The following PRRX1 variants were observed in gnomAD, a reference collection of about 807,000 sequenced individuals.
PRRX1 encodes paired related homeobox 1.
A neutral mutation model predicts 24.0 loss-of-function variants in PRRX1; 8 were observed. The observed-to-expected ratio is 0.33, with a 90% CI of 0.20 to 0.60. The LOEUF (loss-of-function observed/expected upper bound fraction) is 0.60, where lower values mean the gene tolerates loss of function less well. Ranked by LOEUF, PRRX1 falls within the 20% of genes least tolerant of loss-of-function variation. PRRX1 has a pLI of 0.82. For missense variants in PRRX1, 281 were observed against 322.4 expected, an observed-to-expected ratio of 0.87 and a Z score of 0.98; for synonymous variants, 160 against 131.7, an observed-to-expected ratio of 1.22 and a Z score of -1.47.
chr1:170,734,385 G>C (rs568417198), intron 3 of PRRX1, among the ~76,000 whole-genome samples: 1 of 152,098 alleles, frequency 6.6e-6, no homozygotes, highest in Non-Finnish European at 1.5e-5. Context: ...TTCTACCTGA[G>C]GAAACAGTTG....
At chr1:170,684,266 G>T (rs1018735483) in intron 1 of PRRX1, among the ~76,000 whole-genome samples, 2 of 152,064 alleles carry the variant, frequency 1.3e-5, no homozygotes, top group African/African-American at 2.4e-5. Flanking sequence ...TATTTCTCAG[G>T]CTTGTCCTCT....
chr1:170,726,780 T>A, intron 3 of PRRX1: 1 of 172,340 alleles, frequency 5.8e-6, no homozygotes, highest in South Asian at 1.6e-4. Flanking sequence ...ATTATGCAAA[T>A]GTAGGGACGT....
intron 2 of PRRX1, 83 bp downstream of exon 2, chr1:170,719,984 A>G: frequency 6.5e-7 from 1 of 1,536,556 alleles, no homozygotes; most frequent in South Asian, 1.1e-5. Context: ...AACACAAATT[A>G]TAGCCCAGCA....
At chr1:170,718,830 G>A (rs994210103) in intron 1 of PRRX1, among the ~76,000 whole-genome samples, 2 of 152,150 alleles carry the variant, frequency 1.3e-5, no homozygotes, top group African/African-American at 4.8e-5. Flanking sequence ...GGCAGCAGGA[G>A]AGGAGCATAC....
At chr1:170,679,940 C>T (rs756224479) in intron 1 of PRRX1, among the ~76,000 whole-genome samples, 1 of 152,088 alleles carries the variant, frequency 6.6e-6, no homozygotes, top group Admixed American at 6.5e-5. Context: ...ATTTTGTTTA[C>T]TTATCTTTTT....
At chr1:170,691,441 ATTTCCTTTCCTTTCC>A (rs60341193) in intron 1 of PRRX1, among the ~76,000 whole-genome samples, 2,200 of 71,730 alleles carry the variant, frequency 0.031, 32 homozygotes, top group African/African-American at 0.058. Context: ...CTTTCCTTCC[ATTTCCTTTCCTTTCC>A]TTTCCTTTCC....
intron 1 of PRRX1, among the ~76,000 whole-genome samples, chr1:170,674,556 A>G (rs547562747): frequency 6.6e-6 from 1 of 152,262 alleles, no homozygotes; most frequent in African/African-American, 2.4e-5. Flanking sequence ...AGTAGTGCTC[A>G]ATTGTTTTCT....
At chr1:170,729,805 C>T (rs1394120567) in intron 3 of PRRX1, among the ~76,000 whole-genome samples, 3 of 152,168 alleles carry the variant, frequency 2.0e-5, no homozygotes, top group Non-Finnish European at 2.9e-5. Flanking sequence ...ACATCCGTGG[C>T]CAGTTAAAGG....
At chr1:170,665,792 G>T (rs911251572) in intron 1 of PRRX1, among the ~76,000 whole-genome samples, 1 of 152,230 alleles carries the variant, frequency 6.6e-6, no homozygotes, top group African/African-American at 2.4e-5. Flanking sequence ...CTTAGTTCCG[G>T]CCTGGGCGCC....
intron 1 of PRRX1, among the ~76,000 whole-genome samples, chr1:170,689,881 TGTGTGTGTGTGC>T (rs1558049782): frequency 1.3e-5 from 2 of 150,388 alleles, no homozygotes; most frequent in African/African-American, 4.9e-5. Context: ...TCTCTGTGGG[TGTGTGTGTGTGC>T]GTGTGTGTGT....
intron 2 of PRRX1, among the ~76,000 whole-genome samples, chr1:170,721,549 C>T (rs767002422): frequency 2.0e-5 from 3 of 152,008 alleles, no homozygotes; most frequent in Non-Finnish European, 4.4e-5. Flanking sequence ...GGGACCTCAC[C>T]AAGAAGTACT....
At chr1:170,722,787 G>C (rs1343047615) in intron 2 of PRRX1, 1 of 152,192 alleles carries the variant, frequency 6.6e-6, no homozygotes, top group Non-Finnish European at 1.5e-5. Flanking sequence ...CATGTTCAAT[G>C]TTAAAGTTGA....
intron 1 of PRRX1, among the ~76,000 whole-genome samples, chr1:170,666,762 T>C (rs1179244836): frequency 6.6e-6 from 1 of 151,604 alleles, no homozygotes. Flanking sequence ...GGGATGAAAA[T>C]TGTACCGGTT....
intron 1 of PRRX1, among the ~76,000 whole-genome samples, chr1:170,665,378 T>G (rs1652883809): frequency 6.6e-6 from 1 of 152,148 alleles, no homozygotes; most frequent in Non-Finnish European, 1.5e-5. Flanking sequence ...TGCAATTGTA[T>G]CCCCATGCCC....
chr1:170,721,929 T>G (rs993571273), intron 2 of PRRX1, among the ~76,000 whole-genome samples: 1 of 151,584 alleles, frequency 6.6e-6, no homozygotes, highest in Non-Finnish European at 1.5e-5. Context: ...GCTATGGTGA[T>G]CTAAATTTTA....
At chr1:170,730,379 G>T (rs1280106848) in intron 3 of PRRX1, 3 of 1,557,726 alleles carry the variant, frequency 1.9e-6, no homozygotes, top group Admixed American at 3.3e-5. Flanking sequence ...GAGGGTGGCT[G>T]CTTGGGGTAG....
rs574562052 is a variant in PRRX1 at position 170,702,896 on chromosome 1, C to A, written c.242-16830C>A. On this transcript the variant is annotated intron_variant, in intron 1 of 3. Transcript: ENST00000239461. The stretch of plus-strand genomic sequence containing the variant: ...TAGATCTATGCAATTATCTTGCTCT[C>A]ATTGGCTTCGTGCATAATTAGATTA... Among the ~76,000 whole-genome samples the A allele has an allele frequency of 1.4e-3, 209 of 152,164 alleles. 3 individuals carry two copies. In the South Asian group the frequency reaches 0.026, roughly 19 times the overall value.
At chr1:170,698,486 T>C (rs1412849759) in intron 1 of PRRX1, among the ~76,000 whole-genome samples, 1 of 152,198 alleles carries the variant, frequency 6.6e-6, no homozygotes, top group Non-Finnish European at 1.5e-5. Context: ...CAAGAATACA[T>C]AGGCACTATT....
intron 1 of PRRX1, among the ~76,000 whole-genome samples, chr1:170,705,735 G>A (rs1032045421): frequency 1.3e-5 from 2 of 152,182 alleles, no homozygotes; most frequent in Admixed American, 6.6e-5. Context: ...GGTAATGACA[G>A]TAAGTCTCAG....
Sources: gnomAD v4.1 joint callset for allele counts (sites outside exome capture counted in the v4.1 genomes callset) on GRCh38, gnomAD v4.1.1 for gene constraint, MANE v1.5 for transcripts, NCBI Gene and HGNC (gene_info 2026-07-23, HGNC 2026-07-21) for gene names.